Variants in KAT5 observed in about 807,000 individuals in gnomAD.
KAT5 encodes lysine acetyltransferase 5.
Under a neutral mutation model 68.1 loss-of-function variants are expected in KAT5, and 31 were observed. The ratio of observed to expected loss-of-function variants is 0.46; its 90% confidence interval spans 0.34 to 0.61. The LOEUF is 0.61. KAT5 is among the 20% of genes least tolerant of loss of function. KAT5 has a pLI of 0.01. For synonymous variants in KAT5, 365 were observed against 292.6 expected (o/e 1.25, Z -2.52); for missense variants, 451 against 725.5 (o/e 0.62, Z 4.35).
At chr11:65,715,573 A>G (rs1857162508) in intron 8 of KAT5, among the ~76,000 whole-genome samples, 1 of 151,242 alleles carries the variant, frequency 6.6e-6, no homozygotes, top group South Asian at 2.1e-4. Context: ...ATCCTGGCTA[A>G]CACGGTTAAA....
intron 3 of KAT5, 51 bp from the exon 4 acceptor site, chr11:65,713,291 TTCCCCA>T: frequency 1.9e-6 from 3 of 1,566,972 alleles, no homozygotes; most frequent in Non-Finnish European, 2.6e-6. Flanking sequence ...CCTCTTCCCC[TTCCCCA>T]TCCCACTGCC....
intron 2 of KAT5, 24 bp downstream of exon 2, chr11:65,712,858 G>T: frequency 1.9e-6 from 3 of 1,614,082 alleles, no homozygotes; most frequent in Non-Finnish European, 2.5e-6. Context: ...CTGAGGTGGG[G>T]CATCAGGGTA....
intron 10 of KAT5, 69 bp from the exon 11 acceptor site, chr11:65,718,521 T>G: frequency 6.5e-7 from 1 of 1,539,096 alleles, no homozygotes; most frequent in South Asian, 1.2e-5. Context: ...CTTGGCAACC[T>G]GTGTTTTTAA....
At chr11:65,718,818 G>A (rs1399701872) in intron 11 of KAT5, 55 bp from the exon 12 acceptor site, 3 of 1,613,504 alleles carry the variant, frequency 1.9e-6, no homozygotes, top group East Asian at 2.2e-5. Flanking sequence ...TCTCTCTCAG[G>A]GCTCCTGGGG....
Position 65,712,680 on chromosome 11 carries a change from C to T in KAT5, c.179-86C>T, listed in dbSNP as rs1046521421. 3.7e-5 allele frequency: 56 copies of T among 1,500,726 alleles called. No homozygotes were observed. The Middle Eastern group carries it at 6.8e-4, about 18-fold the overall frequency. 93.0% of individuals were successfully genotyped at this position (1,500,726 alleles called of 1,614,324 possible). The stretch of plus-strand genomic sequence containing the variant: ...ACCTAAGTGCTGGAGCTTAGGGATC[C>T]GGCCTGGGGGTGGAGTTCAGGTCGT... On this transcript the variant is annotated intron_variant, in intron 1 of 12. Transcript: ENST00000341318.
At chr11:65,714,957 GCTT>G (rs753227540) in intron 8 of KAT5, 47 bp downstream of exon 8, 16 of 1,511,880 alleles carry the variant, frequency 1.1e-5, no homozygotes, top group Admixed American at 3.4e-5. Flanking sequence ...TCAAATGACA[GCTT>G]CTTCTTGCTC....
At chr11:65,715,815 A>G (rs1363784376) in intron 8 of KAT5, 1 of 152,138 alleles carries the variant, frequency 6.6e-6, no homozygotes, top group Non-Finnish European at 1.5e-5. Context: ...TCATACCTGT[A>G]ACCCCAGCAC....
At chr11:65,718,479 G>A (rs1857281836) in intron 10 of KAT5, 111 bp from the exon 11 acceptor site, 2 of 1,095,996 alleles carry the variant, frequency 1.8e-6, no homozygotes, top group African/African-American at 3.1e-5. Context: ...ACTGCCAAGT[G>A]GCAGGGCCAT....
At position 65,713,493 on chromosome 11, in the gene KAT5, A is replaced by G. The variant is rs980646481; in HGVS notation, c.530A>G (p.His177Arg). 2 of 1,613,594 alleles carry G rather than the reference A, an allele frequency of 1.2e-6. No individual in the cohort carries two copies. Among genetic ancestry groups the G allele is most frequent in the Non-Finnish European group, 1.7e-6 (2 of 1,179,920 alleles). The change falls in exon 4 of 13, where the codon CAC becomes CGC. Residue 177 changes from histidine to arginine, a missense_variant. Coordinates refer to ENST00000341318, the MANE Select transcript of KAT5 (RefSeq NM_182710.3). ...LSSSSCLQPN[H>R]RSTKRKVEVV... ...TCCAGCTCCTGCCTGCAGCCCAACC[A>G]CCGCTCAACGGTACCCTCAGCAATT...
intron 10 of KAT5, 151 bp from the exon 11 acceptor site, chr11:65,718,439 A>C: frequency 1.4e-6 from 1 of 738,202 alleles, no homozygotes; most frequent in Non-Finnish European, 2.3e-6. Context: ...TCCTGAGGGA[A>C]CTGAGGCACA....
chr11:65,715,097 A>G, intron 8 of KAT5, 187 bp downstream of exon 8: 1 of 614,974 alleles, frequency 1.6e-6, no homozygotes. Flanking sequence ...AGTCCATGGG[A>G]GAGACAGTCA....
In KAT5 at chr11:65,716,939, T is replaced by C; in HGVS notation, c.1221T>C (p.Pro407=). Residue 407 remains proline (P), a synonymous_variant, in exon 10 of 13, where the codon CCT becomes CCC. Transcript: ENST00000341318. ...ATGTGGCCTGCATCCTAACCCTGCCTCCCTACCAGCGCCGGGGCTACGGCA... is the reference window on the plus strand; with the variant it reads ...ATGTGGCCTGCATCCTAACCCTGCCCCCCTACCAGCGCCGGGGCTACGGCA... ...DYNVACILTL[P]PYQRRGYGKL... is the part of the protein sequence containing the mutation. 1.2e-6 allele frequency: 2 copies of C among 1,614,156 alleles called. No individual in the cohort carries two copies. Among genetic ancestry groups the C allele is most frequent in the Non-Finnish European group, 1.7e-6 (2 of 1,180,010 alleles).
chr11:65,719,215 G>A lies in KAT5; in HGVS notation c.*34G>A. ...TGCCCACTGCAGTGCCAAGACGGCA[G>A]CAGGACTGGGGCTGATAGCCCACCC... On this transcript the variant is annotated 3_prime_UTR_variant, in exon 13 of 13. Coordinates refer to ENST00000341318, the MANE Select transcript of KAT5 (RefSeq NM_182710.3). 4 of 1,608,450 alleles carry A rather than the reference G, an allele frequency of 2.5e-6. No homozygotes were observed. The highest frequency in any genetic ancestry group is 3.4e-6 in the Non-Finnish European group (4 of 1,177,832).
At chr11:65,719,011 G>T (rs1227853324) in intron 12 of KAT5, 36 bp from the exon 13 acceptor site, 15 of 1,613,878 alleles carry the variant, frequency 9.3e-6, no homozygotes, top group Non-Finnish European at 1.3e-5. Flanking sequence ...GTCCTCTGTG[G>T]GCTGACCACC....
At chr11:65,713,197 A>T (rs549474279) in intron 3 of KAT5, 139 bp downstream of exon 3, 1 of 1,327,060 alleles carries the variant, frequency 7.5e-7, no homozygotes, top group African/African-American at 1.5e-5. Context: ...GCCAAATTGC[A>T]CATGTAGCTC....
rs1471005612 is a variant in KAT5, at chr11:65,712,703, C to T, written c.179-63C>T. ...TCCGGCCTGGGGGTGGAGTTCAGGT[C>T]GTGGAAGGGTGGAGTCTCATAGCCT... On this transcript the variant is annotated intron_variant, in intron 1 of 12. Transcript: ENST00000341318. 1.2e-5 allele frequency: 19 copies of T among 1,571,976 alleles called. No individual in the cohort carries two copies. In the East Asian group the frequency reaches 4.3e-4, roughly 35 times the overall value.
At position 65,712,413 on chromosome 11, in the gene KAT5, T is replaced by G; in HGVS notation, c.146T>G (p.Leu49Arg). 6.3e-7 allele frequency: 1 copy of G among 1,590,098 alleles called. No individual in the cohort carries two copies. The highest frequency in any genetic ancestry group is 8.5e-7 in the Non-Finnish European group (1 of 1,173,472). The change falls in exon 1 of 13, where the codon CTG (leucine) becomes CGG (arginine). Residue 49 changes from leucine (L) to arginine (R), a missense_variant. This residue lies in a region of KAT5 where 104 missense variants were observed against 107.3 expected (regional missense o/e 0.97). Transcript: ENST00000341318. ...EIIEGCRLPVLRRNQDNEDEW... is the reference protein window; with the variant it reads ...EIIEGCRLPVRRRNQDNEDEW... Reference sequence around the variant, plus strand: ...ATCGAGGGCTGCCGCCTACCCGTGCTGCGGCGGAACCAGGACAACGAAGAT... The same window carrying G: ...ATCGAGGGCTGCCGCCTACCCGTGCGGCGGCGGAACCAGGACAACGAAGAT...
chr11:65,712,432 C>T lies in KAT5; in HGVS notation c.165C>T (p.Asn55=), dbSNP rs747032550. Residue 55 remains asparagine, a synonymous_variant, in exon 1 of 13, where the codon AAC becomes AAT. Coordinates refer to ENST00000341318, the MANE Select transcript of KAT5 (RefSeq NM_182710.3). The part of the protein sequence containing the change: ...RLPVLRRNQD[N]EDEWPLAEIL... ...CCGTGCTGCGGCGGAACCAGGACAA[C>T]GAAGATGAGTGGCGTGAGTGACGTT... 1.9e-6 allele frequency: 3 copies of T among 1,593,818 alleles called. No individual in the cohort carries two copies. The highest frequency in any genetic ancestry group is 2.8e-5 in the African/African-American group (2 of 72,662).
Position 65,713,031 on chromosome 11 carries a change from C to T in KAT5, c.357C>T (p.Ser119=). The T allele has an allele frequency of 3.1e-6, 5 of 1,613,402 alleles. No individual in the cohort carries two copies. Among genetic ancestry groups the T allele is most frequent in the Non-Finnish European group, 4.2e-6 (5 of 1,180,012 alleles). ...KTPTKNGLPG[S]RPGSPEREVP... The stretch of plus-strand genomic sequence containing the variant: ...CCACTAAGAACGGACTTCCTGGGTC[C>T]CGTCCTGGCTCTCCAGAGAGAGAGG... Residue 119 remains serine, a synonymous_variant, in exon 3 of 13, where the codon TCC becomes TCT. Transcript: ENST00000341318.
Sources: gnomAD v4.1 joint callset for allele counts (sites outside exome capture counted in the v4.1 genomes callset) on GRCh38, gnomAD v4.1.1 for gene constraint, gnomAD v4.1.1 regional missense constraint, MANE v1.5 for transcripts, NCBI Gene and HGNC (gene_info 2026-07-23, HGNC 2026-07-21) for gene names.